Variants in KIR2DL1 observed in about 807,000 individuals in gnomAD.
KIR2DL1 encodes killer cell immunoglobulin like receptor, two Ig domains and long cytoplasmic tail 1.
KIR2DL1 carries 38 observed loss-of-function variants against 33.9 expected under a neutral mutation model. The observed-to-expected ratio is 1.12, with a 90% CI of 0.86 to 1.47. The LOEUF (loss-of-function observed/expected upper bound fraction) is 1.47. Ranked by LOEUF, KIR2DL1 falls within the 40% of genes most tolerant of loss-of-function variation. KIR2DL1 has a pLI of 0.00. For missense variants in KIR2DL1, 531 were observed against 433.9 expected, an observed-to-expected ratio of 1.22 and a Z score of -1.99; for synonymous variants, 179 against 165.9, an observed-to-expected ratio of 1.08 and a Z score of -0.61.
chr19:54,773,244 A>G, intron 2 of KIR2DL1, 89 bp from the exon 3 acceptor site: 1 of 1,370,550 alleles, frequency 7.3e-7, no homozygotes, highest in Non-Finnish European at 1.0e-6. Flanking sequence ...GAGATAAGAC[A>G]CCAGGAAGGG....
intron 1 of KIR2DL1, among the ~76,000 whole-genome samples, 180 bp downstream of exon 1, chr19:54,770,064 G>A (rs529715705): frequency 7.3e-6 from 1 of 137,534 alleles, no homozygotes; most frequent in East Asian, 2.1e-4. Context: ...CCCAGAGGTC[G>A]AGATATAGGC....
intron 5 of KIR2DL1, among the ~76,000 whole-genome samples, chr19:54,781,974 A>C (rs1470556995): frequency 1.3e-5 from 2 of 152,064 alleles, no homozygotes; most frequent in African/African-American, 4.8e-5. Flanking sequence ...CCGTCACTCC[A>C]GGGAGACAGA....
intron 5 of KIR2DL1, among the ~76,000 whole-genome samples, chr19:54,781,894 C>T (rs995030600): frequency 6.6e-6 from 1 of 151,940 alleles, no homozygotes; most frequent in African/African-American, 2.4e-5. Context: ...AATCCCAGTC[C>T]AGTCTTCCCA....
chr19:54,773,695 G>A (rs188339431), intron 3 of KIR2DL1, 63 bp downstream of exon 3: 4 of 1,472,748 alleles, frequency 2.7e-6, no homozygotes, highest in Admixed American at 1.8e-5. Flanking sequence ...TCCAGGAATT[G>A]GAGACCCAGG....
At chr19:54,779,381 G>A (rs1393621183) in intron 5 of KIR2DL1, among the ~76,000 whole-genome samples, 1 of 148,624 alleles carries the variant, frequency 6.7e-6, no homozygotes, top group Non-Finnish European at 1.5e-5. Flanking sequence ...ACTTGTCCCA[G>A]CTTCTAAAGG....
chr19:54,783,682 A>T lies in KIR2DL1; in HGVS notation c.916A>T (p.Asn306Tyr), dbSNP rs748974068. Reference protein sequence around the residue: ...DPQEVTYTQLNHCVFTQRKIT... With the variant: ...DPQEVTYTQLYHCVFTQRKIT... ...TCAGGAGGTGACATACACACAGTTG[A>T]ATCACTGCGTTTTCACACAGAGAAA... Residue 306 changes from asparagine to tyrosine, a missense_variant, in exon 8 of 8, where the codon AAT becomes TAT. Physicochemically the swap from Asn to Tyr is moderately radical, Grantham distance 143 (BLOSUM62 -2). Coordinates refer to ENST00000336077, the MANE Select transcript of KIR2DL1 (RefSeq NM_014218.3). 1.2e-6 allele frequency: 2 copies of T among 1,613,694 alleles called. No homozygotes were observed.
intron 2 of KIR2DL1, among the ~76,000 whole-genome samples, chr19:54,772,271 T>C (rs12609942): frequency 6.9e-6 from 1 of 145,492 alleles, no homozygotes; most frequent in Non-Finnish European, 1.5e-5. Context: ...ATAATGGGAG[T>C]CTCCATCAGC....
At chr19:54,779,460 C>G (rs1600827342) in intron 5 of KIR2DL1, among the ~76,000 whole-genome samples, 1 of 147,392 alleles carries the variant, frequency 6.8e-6, no homozygotes, top group Non-Finnish European at 1.5e-5. Flanking sequence ...TCACATCTCA[C>G]ATGGCATCAC....
At chr19:54,783,133 G>A (rs1254998960) in intron 6 of KIR2DL1, 110 bp downstream of exon 6, 2 of 1,293,066 alleles carry the variant, frequency 1.5e-6, no homozygotes, top group Non-Finnish European at 2.2e-6. Flanking sequence ...GCCCAAGGCA[G>A]CAGCCACAGA....
chr19:54,773,921 G>A (rs1202254260), intron 3 of KIR2DL1, among the ~76,000 whole-genome samples: 1 of 148,526 alleles, frequency 6.7e-6, no homozygotes, highest in African/African-American at 2.5e-5. Flanking sequence ...CCTCCATGCT[G>A]ACTTTGCTCA....
chr19:54,770,000 A>C (rs529320729), intron 1 of KIR2DL1, 116 bp downstream of exon 1: 10 of 1,354,874 alleles, frequency 7.4e-6, no homozygotes, highest in Non-Finnish European at 1.0e-5. Context: ...CTGGGCCTGG[A>C]GTGGATATAT....
chr19:54,770,817 G>C, intron 1 of KIR2DL1, 32 bp from the exon 2 acceptor site: 1 of 1,583,226 alleles, frequency 6.3e-7, no homozygotes, highest in East Asian at 2.2e-5. Context: ...TTTGCCTGCA[G>C]ATGGGTCATC....
At chr19:54,781,208 A>T (rs2076890362) in intron 5 of KIR2DL1, among the ~76,000 whole-genome samples, 1 of 126,334 alleles carries the variant, frequency 7.9e-6, no homozygotes, top group Non-Finnish European at 1.7e-5. Context: ...CATAAATATA[A>T]TAAAACACAC....
At chr19:54,776,741 A>G (rs1381798209) in intron 4 of KIR2DL1, among the ~76,000 whole-genome samples, 2 of 145,682 alleles carry the variant, frequency 1.4e-5, no homozygotes, top group Non-Finnish European at 3.1e-5. Context: ...CCTGGGTTCA[A>G]ATGATTTTCC....
chr19:54,773,560 T>A lies in KIR2DL1; in HGVS notation c.298T>A (p.Cys100Ser). ...MTQDLAGTYR[C>S]YGSVTHSPYQ... Reference sequence around the variant, plus strand: ...GCAAGACCTGGCAGGGACCTACAGATGCTACGGTTCTGTTACTCACTCCCC... The same window carrying A: ...GCAAGACCTGGCAGGGACCTACAGAAGCTACGGTTCTGTTACTCACTCCCC... The change falls in exon 3 of 8, where the codon TGC becomes AGC. Residue 100 changes from cysteine to serine, a missense_variant. By Grantham distance (112) the Cys-to-Ser change is moderately radical. Coordinates refer to ENST00000336077, the MANE Select transcript of KIR2DL1 (RefSeq NM_014218.3). 6.3e-7 allele frequency: 1 copy of A among 1,582,202 alleles called. No individual in the cohort carries two copies. Among genetic ancestry groups the A allele is most frequent in the East Asian group, 2.2e-5 (1 of 44,604 alleles).
chr19:54,782,795 C>T, intron 5 of KIR2DL1, 127 bp from the exon 6 acceptor site: 1 of 976,546 alleles, frequency 1.0e-6, no homozygotes, highest in Non-Finnish European at 1.6e-6. Flanking sequence ...AGCTGGGTCT[C>T]CTGCCATCTG....
intron 4 of KIR2DL1, among the ~76,000 whole-genome samples, chr19:54,778,136 C>G (rs2076556784): frequency 6.8e-6 from 1 of 147,754 alleles, no homozygotes; most frequent in Admixed American, 6.9e-5. Flanking sequence ...TGGTCAGCAC[C>G]TGTAATACCA....
In KIR2DL1 at chr19:54,770,898, C is replaced by T; in HGVS notation, c.70+14C>T. ...GGCCACATGAGGGTGAGTCCTTCTC[C>T]CAACCTTCGGGTGTCATCTCCCCAC... On this transcript the variant is annotated intron_variant, in intron 2 of 7. Transcript: ENST00000336077. 6.3e-7 allele frequency: 1 copy of T among 1,582,660 alleles called. No homozygotes were observed. Among genetic ancestry groups the T allele is most frequent in the Non-Finnish European group, 8.7e-7 (1 of 1,155,456 alleles).
At position 54,776,832 on chromosome 19, in the gene KIR2DL1, C is replaced by T. The variant is rs683370; in HGVS notation, c.664+1374C>T. The stretch of plus-strand genomic sequence containing the variant: ...CTTTTTGGTTTTTTTAGTATAGATG[C>T]GGTTTCCCCATGTTGGCTGGGCTGC... On this transcript the variant is annotated intron_variant, in intron 4 of 7. Coordinates refer to ENST00000336077, the MANE Select transcript of KIR2DL1 (RefSeq NM_014218.3). 1.9e-3 allele frequency among the ~76,000 whole-genome samples: 243 copies of T among 128,282 alleles called. 9 individuals carry two copies. Among genetic ancestry groups the T allele is most frequent in the Admixed American group, 3.6e-3 (45 of 12,448 alleles). 84.2% of individuals were successfully genotyped at this position (128,282 alleles called of 152,430 possible). A position where few individuals can be genotyped will look rare whatever the true frequency, so the allele number is the denominator to read the frequency against.
Sources: gnomAD v4.1 joint callset for allele counts (sites outside exome capture counted in the v4.1 genomes callset) on GRCh38, gnomAD v4.1.1 for gene constraint, MANE v1.5 for transcripts, NCBI Gene and HGNC (gene_info 2026-07-23, HGNC 2026-07-21) for gene names.